Variants in TSPAN9 observed in about 807,000 individuals in gnomAD.
The protein encoded by TSPAN9 is tetraspanin 9.
TSPAN9 carries 16 observed loss-of-function variants against 31.0 expected under a neutral mutation model. The ratio of observed to expected loss-of-function variants is 0.52; its 90% CI spans 0.35 to 0.78. The LOEUF is 0.78. Ranked by LOEUF, TSPAN9 falls within the 30% of genes least tolerant of loss-of-function variation. The probability of loss-of-function intolerance (pLI) is 0.01; values close to 1 mark genes in which losing one functional copy is unlikely to be tolerated. For synonymous variants in TSPAN9, 145 were observed against 121.6 expected (o/e 1.19, Z -1.27); for missense variants, 272 against 312.5 (o/e 0.87, Z 0.98).
Position 3,280,434 on chromosome 12 carries a change from C to T in TSPAN9, c.383C>T (p.Thr128Ile), listed in dbSNP as rs771652932. ...AAGGAAGGCCTGCTGCTGTACCACA[C>T]CGAGAACAACGTGGGGCTGAAGAAC... ...DLKEGLLLYH[T>I]ENNVGLKNAW... Residue 128 changes from threonine to isoleucine, a missense_variant, in exon 6 of 9, where the codon ACC becomes ATC. Coordinates refer to ENST00000011898, the MANE Select transcript of TSPAN9 (RefSeq NM_006675.5). This position sits in a 1 kb window ranked among gnomAD's most constrained non-coding sequence, Gnocchi z 4.5. 3 of 1,613,444 alleles carry T rather than the reference C, an allele frequency of 1.9e-6. No homozygotes were observed. The highest frequency in any genetic ancestry group is 2.5e-6 in the Non-Finnish European group (3 of 1,180,024).
intron 3 of TSPAN9, among the ~76,000 whole-genome samples, chr12:3,205,522 G>A (rs1323667943): frequency 1.3e-5 from 2 of 152,150 alleles, no homozygotes; most frequent in Middle Eastern, 3.2e-3. Context: ...CTGTGGGCTC[G>A]GGCTGAGGTC....
intron 2 of TSPAN9, among the ~76,000 whole-genome samples, chr12:3,163,763 T>C (rs1255909243): frequency 6.6e-6 from 1 of 152,168 alleles, no homozygotes; most frequent in Admixed American, 6.5e-5. Flanking sequence ...TACTAAGGTA[T>C]TATGCTTGAC....
At chr12:3,267,593 C>CTG (rs1186395886) in intron 3 of TSPAN9, among the ~76,000 whole-genome samples, 2 of 152,248 alleles carry the variant, frequency 1.3e-5, no homozygotes, top group African/African-American at 2.4e-5. Context: ...TTCACAATTA[C>CTG]TGTGTGCTTT....
intron 2 of TSPAN9, chr12:3,084,011 T>G (rs2098299189): frequency 6.6e-6 from 1 of 152,190 alleles, no homozygotes; most frequent in Non-Finnish European, 1.5e-5. Flanking sequence ...GGAGGAAGCC[T>G]AGGGAGAGGC....
intron 3 of TSPAN9, among the ~76,000 whole-genome samples, chr12:3,268,460 C>A (rs1862585959): frequency 6.9e-6 from 1 of 145,578 alleles, no homozygotes; most frequent in African/African-American, 2.5e-5. Flanking sequence ...CTGCAGCCTG[C>A]CCTCTGTGCG....
intron 2 of TSPAN9, among the ~76,000 whole-genome samples, chr12:3,149,579 T>C (rs2098338882): frequency 6.6e-6 from 1 of 152,166 alleles, no homozygotes; most frequent in African/African-American, 2.4e-5. Context: ...AACAGCATCA[T>C]GGTGTAAAGA....
intron 2 of TSPAN9, among the ~76,000 whole-genome samples, chr12:3,096,110 C>T (rs868527161): frequency 1.3e-5 from 2 of 152,076 alleles, no homozygotes; most frequent in Admixed American, 6.5e-5. Context: ...TCCATCCTCC[C>T]GGCGGTCGGG....
chr12:3,220,406 G>C (rs968492470), intron 3 of TSPAN9, among the ~76,000 whole-genome samples: 1 of 152,178 alleles, frequency 6.6e-6, no homozygotes, highest in Non-Finnish European at 1.5e-5. Context: ...GTGGGTCTAG[G>C]GTGCATGGGT....
At chr12:3,243,419 TA>T (rs1313868418) in intron 3 of TSPAN9, among the ~76,000 whole-genome samples, 2 of 152,146 alleles carry the variant, frequency 1.3e-5, no homozygotes, top group Non-Finnish European at 2.9e-5. Context: ...AGAAGTTAAG[TA>T]ATTTGCTCTG....
chr12:3,100,868 C>T (rs1465054794), intron 2 of TSPAN9, among the ~76,000 whole-genome samples: 1 of 152,166 alleles, frequency 6.6e-6, no homozygotes, highest in African/African-American at 2.4e-5. Context: ...TCCCTTGTAC[C>T]TAGCTCAGTG....
At position 3,285,258 on chromosome 12, in the gene TSPAN9, T is replaced by G. The variant is rs1338453724; in HGVS notation, c.*2142T>G. The G allele has an allele frequency of 6.9e-6, 1 of 145,494 alleles. No individual in the cohort carries two copies. 9.0% of individuals were successfully genotyped at this position (145,494 alleles called of 1,614,324 possible). A position where few individuals can be genotyped will look rare whatever the true frequency, so the allele number is the denominator to read the frequency against. On this transcript the variant is annotated 3_prime_UTR_variant, in exon 9 of 9. Transcript: ENST00000011898. ...GGTGGGACCCGGGGCCTCGTGCGTTTTTTGCTGTGGGTGGGGTGGGTGGGT... is the reference window on the plus strand; with the variant it reads ...GGTGGGACCCGGGGCCTCGTGCGTTGTTTGCTGTGGGTGGGGTGGGTGGGT...
At chr12:3,099,923 G>A (rs1034469950) in intron 2 of TSPAN9, among the ~76,000 whole-genome samples, 1 of 147,988 alleles carries the variant, frequency 6.8e-6, no homozygotes, top group Non-Finnish European at 1.5e-5. Flanking sequence ...CTCACTGCAA[G>A]CTCTGCCTCC....
intron 2 of TSPAN9, among the ~76,000 whole-genome samples, chr12:3,166,433 T>A (rs1371154634): frequency 6.6e-6 from 1 of 152,224 alleles, no homozygotes; most frequent in Non-Finnish European, 1.5e-5. Context: ...TCCTTAGAGA[T>A]TATCTCATAT....
chr12:3,114,072 C>T (rs1040489070), intron 2 of TSPAN9, among the ~76,000 whole-genome samples: 12 of 152,232 alleles, frequency 7.9e-5, no homozygotes, highest in Admixed American at 7.2e-4. Context: ...TCTCCTGCAT[C>T]TCTGACATCT....
intron 3 of TSPAN9, among the ~76,000 whole-genome samples, chr12:3,224,345 G>A (rs2098386054): frequency 6.6e-6 from 1 of 152,368 alleles, no homozygotes; most frequent in African/African-American, 2.4e-5. Flanking sequence ...GCCCTCACGG[G>A]CTGGTGAAGT....
chr12:3,116,178 C>T (rs2098322284), intron 2 of TSPAN9, among the ~76,000 whole-genome samples: 1 of 152,202 alleles, frequency 6.6e-6, no homozygotes, highest in African/African-American at 2.4e-5. Context: ...CACAGCCTGC[C>T]AACTCTTTAA....
chr12:3,162,688 A>C (rs1050840737), intron 2 of TSPAN9, among the ~76,000 whole-genome samples: 5 of 152,202 alleles, frequency 3.3e-5, no homozygotes, highest in Admixed American at 6.5e-5. Flanking sequence ...GGCCAGAAGA[A>C]GACCATTTTC....
chr12:3,215,736 T>C (rs1591682758), intron 3 of TSPAN9, among the ~76,000 whole-genome samples: 1 of 152,090 alleles, frequency 6.6e-6, no homozygotes, highest in South Asian at 2.1e-4. Flanking sequence ...GCCCCTCATT[T>C]CCCTCCAGCT....
intron 2 of TSPAN9, among the ~76,000 whole-genome samples, chr12:3,155,865 G>T (rs559327135): frequency 1.3e-5 from 2 of 152,324 alleles, no homozygotes; most frequent in South Asian, 4.1e-4. Flanking sequence ...TCCCCTCCGA[G>T]ATCTCTAGGG....
Sources: allele counts gnomAD v4.1 joint callset (sites outside exome capture counted in the v4.1 genomes callset), GRCh38; gene constraint gnomAD v4.1.1; non-coding constraint Gnocchi (gnomAD v3.1); transcripts MANE v1.5; gene names NCBI Gene and HGNC (gene_info 2026-07-23, HGNC 2026-07-21).